DPY30: variants seen among roughly 807,000 people sequenced by gnomAD.
DPY30 encodes the protein protein dpy-30 homolog.
In DPY30, 6 loss-of-function variants were observed where a neutral mutation model predicts 16.2. That is an observed-to-expected ratio of 0.37 (90% CI 0.20 to 0.73). DPY30 has a LOEUF of 0.73. DPY30 is among the 30% of genes least tolerant of loss of function. The pLI is 0.51. For synonymous variants in DPY30, 39 were observed against 38.8 expected (o/e 1.00, Z -0.02); for missense variants, 73 against 113.1 (o/e 0.65, Z 1.61).
intron 3 of DPY30, among the ~76,000 whole-genome samples, chr2:32,038,971 C>G (rs1043584418): frequency 6.6e-6 from 1 of 152,166 alleles, no homozygotes; most frequent in South Asian, 2.1e-4. Context: ...TTTTAATATG[C>G]GGTTTTTACG....
downstream of DPY30, among the ~76,000 whole-genome samples, chr2:32,022,905 C>G (rs1675217336): frequency 6.6e-6 from 1 of 152,132 alleles, no homozygotes; most frequent in South Asian, 2.1e-4. Context: ...CAGGGTTTTT[C>G]AACTTTGGCA....
intron 3 of DPY30, among the ~76,000 whole-genome samples, chr2:32,031,175 C>T (rs530339960): frequency 2.6e-5 from 4 of 152,180 alleles, no homozygotes; most frequent in Admixed American, 2.0e-4. Context: ...GTAAACCCAG[C>T]ACTTTCGGAG....
chr2:32,028,143 C>T (rs1307431693), intron 4 of DPY30, among the ~76,000 whole-genome samples: 2 of 145,368 alleles, frequency 1.4e-5, no homozygotes, highest in African/African-American at 5.1e-5. Flanking sequence ...CAGGGTCTCA[C>T]TCTGTCACCC....
Position 32,023,972 on chromosome 2 carries a change from T to C in DPY30, c.*212A>G, listed in dbSNP as rs866638127. 9.9e-5 allele frequency: 141 copies of C among 1,417,294 alleles called. No homozygotes were observed. The highest frequency in any genetic ancestry group is 2.5e-4 in the Middle Eastern group (1 of 4,058). The allele number at this position is 1,417,294 out of a possible 1,614,324, so 87.8% of individuals were successfully genotyped here. ...AGTTAAAGACAATCTGAGAAAAAAA[T>C]TGCACAGAATACACTCATTAAATAG... On this transcript the variant is annotated 3_prime_UTR_variant, in exon 5 of 5. Transcript: ENST00000342166.
chr2:32,039,559 C>T, intron 1 of DPY30, 67 bp from the exon 2 acceptor site: 1 of 1,504,340 alleles, frequency 6.6e-7, no homozygotes, highest in South Asian at 1.2e-5. Context: ...GGATGGAGTG[C>T]AGCCCAGCCC....
At chr2:32,037,020 T>C (rs1453448201) in intron 3 of DPY30, among the ~76,000 whole-genome samples, 1 of 152,188 alleles carries the variant, frequency 6.6e-6, no homozygotes, top group Non-Finnish European at 1.5e-5. Flanking sequence ...TCAGAAACAA[T>C]GTCCGCCAGA....
At chr2:32,013,735 C>T (rs1484662710) in intron 5 of DPY30, among the ~76,000 whole-genome samples, 3 of 152,194 alleles carry the variant, frequency 2.0e-5, no homozygotes, top group African/African-American at 4.8e-5. Context: ...GCAGGCCGGG[C>T]GCGGTGGCTC....
intron 3 of DPY30, among the ~76,000 whole-genome samples, chr2:32,035,517 G>A (rs563204097): frequency 1.5e-4 from 22 of 151,226 alleles, no homozygotes; most frequent in African/African-American, 4.9e-4. Flanking sequence ...TTGAACCCAG[G>A]AAGCGGAGAT....
At chr2:32,020,292 G>A (rs1344883734), downstream of DPY30, among the ~76,000 whole-genome samples, 1 of 151,968 alleles carries the variant, frequency 6.6e-6, no homozygotes, top group African/African-American at 2.4e-5. Context: ...TTGAGGCCAG[G>A]AGTTCGAGTT....
At chr2:32,030,064 CAAAA>C (rs398042393) in intron 3 of DPY30, among the ~76,000 whole-genome samples, 4 of 102,696 alleles carry the variant, frequency 3.9e-5, no homozygotes, top group Non-Finnish European at 2.1e-5. Context: ...AGTGTGTTCC[CAAAA>C]AAAAAAAAAA....
chr2:32,019,105 T>C (rs889258206), downstream of DPY30, among the ~76,000 whole-genome samples: 1 of 152,214 alleles, frequency 6.6e-6, no homozygotes, highest in Non-Finnish European at 1.5e-5. Context: ...ATCTATTTAT[T>C]TATTTTGAGA....
downstream of DPY30, among the ~76,000 whole-genome samples, chr2:32,022,063 C>T (rs1675196558): frequency 2.0e-5 from 3 of 151,902 alleles, no homozygotes; most frequent in Admixed American, 6.6e-5. Context: ...TACAAAAATT[C>T]GCTGGGGACA....
At chr2:32,039,617 G>A (rs1675888816) in intron 1 of DPY30, 116 bp downstream of exon 1, 1 of 852,374 alleles carries the variant, frequency 1.2e-6, no homozygotes, top group Non-Finnish European at 1.9e-6. Context: ...ACCACGAGCA[G>A]TAGAGCAGCA....
At chr2:32,034,529 AT>A (rs768215945) in intron 3 of DPY30, among the ~76,000 whole-genome samples, 4 of 152,074 alleles carry the variant, frequency 2.6e-5, no homozygotes, top group Non-Finnish European at 1.5e-5. Context: ...TTCATGAGGG[AT>A]TTGCCCCCAT....
chr2:32,025,473 T>C (rs754357239), intron 4 of DPY30, among the ~76,000 whole-genome samples: 18 of 150,190 alleles, frequency 1.2e-4, no homozygotes, highest in East Asian at 2.0e-4. Flanking sequence ...AAAAAAAAAA[T>C]TGTATTTGAC....
chr2:32,014,395 G>A (rs946318799), intron 5 of DPY30, among the ~76,000 whole-genome samples: 1 of 152,190 alleles, frequency 6.6e-6, no homozygotes, highest in Non-Finnish European at 1.5e-5. Flanking sequence ...GCTGAAGTGG[G>A]AAAGATTGCT....
rs371169390 is a variant in DPY30 at position 32,034,408 on chromosome 2, G to C, written c.85-4672C>G. Reference sequence around the variant, plus strand: ...GGGGAACTGGTGTGTCACATAACAAGAGAGGGAGCAAGAGAGAAAGGAGTA... The same window carrying C: ...GGGGAACTGGTGTGTCACATAACAACAGAGGGAGCAAGAGAGAAAGGAGTA... On this transcript the variant is annotated intron_variant, in intron 3 of 4. Transcript: ENST00000342166. Among the ~76,000 whole-genome samples, 6 of 152,298 alleles carry C rather than the reference G, an allele frequency of 3.9e-5. No homozygotes were observed. In the South Asian group the frequency reaches 1.0e-3, roughly 26 times the overall value.
chr2:32,027,092 A>G (rs947390305), intron 4 of DPY30, among the ~76,000 whole-genome samples: 8 of 152,066 alleles, frequency 5.3e-5, no homozygotes, highest in East Asian at 1.9e-4. Flanking sequence ...CCTGGCCAAC[A>G]TGGTGAAACC....
chr2:32,018,057 A>G (rs1185277865), intron 5 of DPY30, among the ~76,000 whole-genome samples: 1 of 152,222 alleles, frequency 6.6e-6, no homozygotes, highest in African/African-American at 2.4e-5. Flanking sequence ...CTCAGATTCC[A>G]GAATTGTGAG....
Sources: allele counts gnomAD v4.1 joint callset (sites outside exome capture counted in the v4.1 genomes callset), GRCh38; gene constraint gnomAD v4.1.1; transcripts MANE v1.5; gene names NCBI Gene and HGNC (gene_info 2026-07-23, HGNC 2026-07-21).